Variants in GABRA2 observed in about 807,000 individuals in gnomAD.
GABRA2 encodes the protein gamma-aminobutyric acid receptor subunit alpha-2.
Under a neutral mutation model 48.7 loss-of-function variants are expected in GABRA2, and 16 were observed. The observed-to-expected ratio is 0.33, with a 90% confidence interval of 0.22 to 0.50. The LOEUF (loss-of-function observed/expected upper bound fraction) is 0.50. Ranked by LOEUF, GABRA2 falls within the 20% of genes least tolerant of loss-of-function variation. The pLI, the probability that GABRA2 is intolerant of heterozygous loss-of-function variation, is 0.98. For synonymous variants in GABRA2, 185 were observed against 184.5 expected, an observed-to-expected ratio of 1.00 and a Z score of -0.02; for missense variants, 275 against 535.6, an observed-to-expected ratio of 0.51 and a Z score of 4.80.
chr4:46,249,598 T>C lies in GABRA2; in HGVS notation c.*710A>G, dbSNP rs1193939204. 6.6e-6 allele frequency: 1 copy of C among 151,414 alleles called. No homozygotes were observed. The highest frequency in any genetic ancestry group is 1.5e-5 in the Non-Finnish European group (1 of 67,640). 9.4% of individuals were successfully genotyped at this position (151,414 alleles called of 1,614,324 possible). The stretch of plus-strand genomic sequence containing the variant: ...GGTAGTTTCCAATGATTAAAATAAA[T>C]TGTAGGATTTCAATTATTACTTTCA... On this transcript the variant is annotated 3_prime_UTR_variant, in exon 10 of 10. Transcript: ENST00000381620.
chr4:46,278,541 T>C (rs926097148), intron 8 of GABRA2, among the ~76,000 whole-genome samples: 1 of 152,172 alleles, frequency 6.6e-6, no homozygotes, highest in Non-Finnish European at 1.5e-5. Context: ...TTGCTTCAGA[T>C]CATGACCCTC....
At chr4:46,278,952 CATAAG>C (rs1486897584) in intron 8 of GABRA2, among the ~76,000 whole-genome samples, 2 of 151,598 alleles carry the variant, frequency 1.3e-5, no homozygotes, top group Non-Finnish European at 2.9e-5. Flanking sequence ...ATATTGATAA[CATAAG>C]ATGATAATTT....
chr4:46,379,409 A>G (rs1219091254), intron 3 of GABRA2, among the ~76,000 whole-genome samples: 3 of 152,206 alleles, frequency 2.0e-5, no homozygotes, highest in African/African-American at 7.2e-5. Flanking sequence ...AGTAAATTTA[A>G]ATAAATAGGA....
At chr4:46,258,057 T>C (rs1716195987) in intron 9 of GABRA2, among the ~76,000 whole-genome samples, 1 of 151,806 alleles carries the variant, frequency 6.6e-6, no homozygotes, top group Non-Finnish European at 1.5e-5. Context: ...GGTAGAAATA[T>C]TCCAGGAATA....
At chr4:46,320,621 A>T (rs1025686586) in intron 4 of GABRA2, among the ~76,000 whole-genome samples, 1 of 151,866 alleles carries the variant, frequency 6.6e-6, no homozygotes, top group Non-Finnish European at 1.5e-5. Context: ...CTCCAATAAA[A>T]ACACAAAATG....
At position 46,248,696 on chromosome 4, in the gene GABRA2, G is replaced by C. The variant is rs1042529044; in HGVS notation, c.*1612C>G. On this transcript the variant is annotated 3_prime_UTR_variant, in exon 10 of 10. Transcript: ENST00000381620. Reference sequence around the variant, plus strand: ...TATTTCCATAGATACTCCTTTTATTGATTTTATGAACATACCTATTTATGC... The same window carrying C: ...TATTTCCATAGATACTCCTTTTATTCATTTTATGAACATACCTATTTATGC... 5.9e-5 allele frequency: 9 copies of C among 151,374 alleles called. No homozygotes were observed. The highest frequency in any genetic ancestry group is 2.2e-4 in the African/African-American group (9 of 41,346). 9.4% of individuals were successfully genotyped at this position (151,374 alleles called of 1,614,324 possible). A position where few individuals can be genotyped will look rare whatever the true frequency, so the allele number is the denominator to read the frequency against.
intron 3 of GABRA2, among the ~76,000 whole-genome samples, chr4:46,376,331 G>A (rs544157700): frequency 3.3e-5 from 5 of 152,262 alleles, no homozygotes; most frequent in African/African-American, 9.6e-5. Context: ...AAAACAAATG[G>A]ATCAGTCATG....
At chr4:46,372,203 T>C (rs1292667422) in intron 3 of GABRA2, among the ~76,000 whole-genome samples, 1 of 152,144 alleles carries the variant, frequency 6.6e-6, no homozygotes, top group Non-Finnish European at 1.5e-5. Flanking sequence ...TACATCCTCC[T>C]CCTTTCTAAT....
At chr4:46,347,619 A>T (rs1734371730) in intron 3 of GABRA2, among the ~76,000 whole-genome samples, 1 of 151,986 alleles carries the variant, frequency 6.6e-6, no homozygotes, top group South Asian at 2.1e-4. Flanking sequence ...CTTAAATATA[A>T]GACTCTAAAC....
At chr4:46,330,585 T>TAGAGAGAGAGAGAGAGAG (rs1284493121) in intron 4 of GABRA2, among the ~76,000 whole-genome samples, 7 of 117,668 alleles carry the variant, frequency 5.9e-5, no homozygotes, top group Admixed American at 3.8e-4. Flanking sequence ...TATATATATA[T>TAGAGAGAGAGAGAGAGAG]ATATATAGAG....
chr4:46,278,347 C>T (rs572538101), intron 8 of GABRA2, among the ~76,000 whole-genome samples: 21 of 152,202 alleles, frequency 1.4e-4, no homozygotes, highest in Non-Finnish European at 2.9e-4. Flanking sequence ...ATAGCATATG[C>T]TGTACATCAA....
chr4:46,309,652 G>A (rs1727294543), intron 6 of GABRA2, among the ~76,000 whole-genome samples: 1 of 151,864 alleles, frequency 6.6e-6, no homozygotes, highest in Non-Finnish European at 1.5e-5. Flanking sequence ...AATGTCCTAT[G>A]TACATAGAAG....
Position 46,259,294 on chromosome 4 carries a change from T to A in GABRA2, c.1059+2632A>T, listed in dbSNP as rs1308595671. Among the ~76,000 whole-genome samples, 3 of 151,830 alleles carry A rather than the reference T, an allele frequency of 2.0e-5. No homozygotes were observed. The Admixed American group carries it at 2.0e-4, about 10-fold the overall frequency. ...AGACACCTTTGTATTAGGAAAGGCA[T>A]AACAATTCAGAGTTTGATAATCTGA... On this transcript the variant is annotated intron_variant, in intron 9 of 9. Coordinates refer to ENST00000381620, the MANE Select transcript of GABRA2 (RefSeq NM_000807.4).
At position 46,265,496 on chromosome 4, in the gene GABRA2, A is replaced by AATATATTG. The variant is rs1406046606; in HGVS notation, c.857-3369_857-3368insCAATATAT. ...TATATTGTGTATATATTATATATAT[A>AATATATTG]TATATATGTTTTCTCTATGGTCAGA... On this transcript the variant is annotated intron_variant, in intron 8 of 9. Transcript: ENST00000381620. Among the ~76,000 whole-genome samples the AATATATTG allele has an allele frequency of 2.0e-4, 29 of 145,366 alleles. 1 individual carries two copies. The highest frequency in any genetic ancestry group is 3.6e-3 in the Middle Eastern group (1 of 278).
chr4:46,275,840 C>A (rs901273747), intron 8 of GABRA2, among the ~76,000 whole-genome samples: 7 of 151,920 alleles, frequency 4.6e-5, no homozygotes, highest in African/African-American at 1.7e-4. Flanking sequence ...CAAAAATTCA[C>A]CCAACTGGAA....
intron 8 of GABRA2, among the ~76,000 whole-genome samples, chr4:46,263,324 G>T (rs529593208): frequency 6.6e-6 from 1 of 152,176 alleles, no homozygotes; most frequent in Middle Eastern, 3.4e-3. Context: ...AGGTCATGAA[G>T]AATTAGCCCT....
intron 8 of GABRA2, among the ~76,000 whole-genome samples, chr4:46,271,167 T>C (rs1577845874): frequency 6.6e-6 from 1 of 152,104 alleles, no homozygotes; most frequent in Non-Finnish European, 1.5e-5. Context: ...CACGAAAGAC[T>C]GCAATAGAAC....
chr4:46,312,366 T>TGCAAAGCATA, intron 5 of GABRA2, 130 bp downstream of exon 5: 1 of 585,098 alleles, frequency 1.7e-6, no homozygotes. Flanking sequence ...GCAAAGCATA[T>TGCAAAGCATA]TATTGGTACT....
intron 3 of GABRA2, among the ~76,000 whole-genome samples, chr4:46,382,775 C>G (rs1416738662): frequency 6.6e-6 from 1 of 152,108 alleles, no homozygotes; most frequent in African/African-American, 2.4e-5. Flanking sequence ...ACAATAAGAG[C>G]TAGTAATGAT....
Sources: gnomAD v4.1 joint callset for allele counts (sites outside exome capture counted in the v4.1 genomes callset) on GRCh38, gnomAD v4.1.1 for gene constraint, MANE v1.5 for transcripts, NCBI Gene and HGNC (gene_info 2026-07-23, HGNC 2026-07-21) for gene names.